CDK13: variants seen among roughly 807,000 people sequenced by gnomAD.
The protein encoded by CDK13 is cyclin-dependent kinase 13.
Under a neutral mutation model 137.6 loss-of-function variants are expected in CDK13, and 40 were observed. The observed-to-expected ratio is 0.29, with a 90% confidence interval of 0.23 to 0.38. The LOEUF is 0.38. CDK13 is among the 10% of genes least tolerant of loss of function. CDK13 has a pLI of 1.00. For missense variants in CDK13, 1,704 were observed against 1,951.8 expected, an observed-to-expected ratio of 0.87 and a Z score of 2.39; for synonymous variants, 869 against 760.1, an observed-to-expected ratio of 1.14 and a Z score of -2.36.
chr7:40,055,285 G>A (rs1279077893), intron 7 of CDK13, among the ~76,000 whole-genome samples: 1 of 150,490 alleles, frequency 6.6e-6, no homozygotes, highest in African/African-American at 2.4e-5. Flanking sequence ...TTTCTTTTTT[G>A]TATGTACACA....
chr7:40,038,873 T>C (rs1785542212), intron 5 of CDK13, among the ~76,000 whole-genome samples: 1 of 152,146 alleles, frequency 6.6e-6, no homozygotes, highest in African/African-American at 2.4e-5. Flanking sequence ...TTTTATATTT[T>C]TAGCAGAAAC....
chr7:40,037,730 T>G lies in CDK13; in HGVS notation c.2354-8106T>G, dbSNP rs936201164. ...CTTTGACCTTATCTTTCTTGTAAAC[T>G]AAAAGCCCTGGTTCCTAAAATATTA... On this transcript the variant is annotated intron_variant, in intron 5 of 13. Coordinates refer to ENST00000181839, the MANE Select transcript of CDK13 (RefSeq NM_003718.5). 9.9e-5 allele frequency among the ~76,000 whole-genome samples: 15 copies of G among 152,224 alleles called. 1 individual carries two copies. Among genetic ancestry groups the G allele is most frequent in the Admixed American group, 7.2e-4 (11 of 15,282 alleles).
At chr7:40,058,533 C>CA (rs1291920085) in intron 7 of CDK13, among the ~76,000 whole-genome samples, 13 of 10,914 alleles carry the variant, frequency 1.2e-3, no homozygotes, top group Admixed American at 6.4e-3. Flanking sequence ...GACTCTGTCT[C>CA]AAAAAAAATA....
At chr7:39,995,182 A>G (rs1236488279) in intron 2 of CDK13, among the ~76,000 whole-genome samples, 1 of 152,166 alleles carries the variant, frequency 6.6e-6, no homozygotes, top group Non-Finnish European at 1.5e-5. Context: ...CAAATATTCA[A>G]TAAAAATGTT....
At chr7:39,957,589 G>A (rs1583904644) in intron 1 of CDK13, among the ~76,000 whole-genome samples, 2 of 152,108 alleles carry the variant, frequency 1.3e-5, no homozygotes, top group South Asian at 2.1e-4. Flanking sequence ...TAATTGTTTC[G>A]ATTTATAAGG....
chr7:39,983,695 A>G (rs934471729), intron 1 of CDK13, among the ~76,000 whole-genome samples: 1 of 152,146 alleles, frequency 6.6e-6, no homozygotes, highest in Non-Finnish European at 1.5e-5. Flanking sequence ...TCTGCTACTC[A>G]TCAGTATCTG....
intron 5 of CDK13, among the ~76,000 whole-genome samples, chr7:40,036,379 C>T (rs974186109): frequency 2.0e-5 from 3 of 152,038 alleles, no homozygotes; most frequent in African/African-American, 7.2e-5. Flanking sequence ...TGAGACCAGC[C>T]TGGCCAACAT....
chr7:39,992,200 G>GTGTGTGTGTGTGTA (rs1355123496), intron 2 of CDK13, among the ~76,000 whole-genome samples: 1 of 138,268 alleles, frequency 7.2e-6, no homozygotes, highest in Non-Finnish European at 1.6e-5. Context: ...GTGTGTGTGT[G>GTGTGTGTGTGTGTA]TATACACTTC....
chr7:40,007,371 A>C (rs1032487922), intron 5 of CDK13, among the ~76,000 whole-genome samples: 2 of 152,210 alleles, frequency 1.3e-5, no homozygotes, highest in Admixed American at 1.3e-4. Flanking sequence ...GTATACTTGA[A>C]TTGCATGTCA....
intron 11 of CDK13, among the ~76,000 whole-genome samples, chr7:40,082,750 C>T (rs1284340463): frequency 2.7e-5 from 4 of 149,092 alleles, no homozygotes; most frequent in African/African-American, 7.4e-5. Flanking sequence ...AAGATCTTGC[C>T]GCTGCACTCC....
intron 9 of CDK13, among the ~76,000 whole-genome samples, chr7:40,063,426 C>G (rs1786200006): frequency 1.3e-5 from 2 of 151,942 alleles, no homozygotes; most frequent in Non-Finnish European, 2.9e-5. Context: ...ATGCTAGATA[C>G]ATATTTTTTA....
chr7:39,960,651 A>C (rs1787589496), intron 1 of CDK13, among the ~76,000 whole-genome samples: 1 of 152,020 alleles, frequency 6.6e-6, no homozygotes, highest in Non-Finnish European at 1.5e-5. Context: ...GGCTCACTGT[A>C]ACAACCTACG....
chr7:39,970,334 G>A (rs1474382571), intron 1 of CDK13, among the ~76,000 whole-genome samples: 2 of 151,940 alleles, frequency 1.3e-5, no homozygotes, highest in East Asian at 3.9e-4. Flanking sequence ...AAAAATTTTT[G>A]CCTAACCCAC....
Position 39,951,310 on chromosome 7 carries a change from C to T in CDK13, c.669C>T (p.Arg223=), listed in dbSNP as rs1228302458. ...HREHRRRDGQ[R]GGSEASKSRS... ...AGCACCGGCGGCGGGATGGGCAGCG[C>T]GGTGGCAGCGAGGCCTCCAAGTCCC... The change falls in exon 1 of 14, where the codon CGC becomes CGT. Residue 223 remains arginine (R), a synonymous_variant. Transcript: ENST00000181839. 2 of 1,397,178 alleles carry T rather than the reference C, an allele frequency of 1.4e-6. No homozygotes were observed. Among genetic ancestry groups the T allele is most frequent in the Non-Finnish European group, 9.2e-7 (1 of 1,086,032 alleles). 86.5% of individuals were successfully genotyped at this position (1,397,178 alleles called of 1,614,324 possible).
At chr7:40,025,719 AT>A (rs1272318540) in intron 5 of CDK13, among the ~76,000 whole-genome samples, 7 of 152,170 alleles carry the variant, frequency 4.6e-5, no homozygotes, top group African/African-American at 1.7e-4. Flanking sequence ...GTGAAATTTT[AT>A]TTTGGAATTA....
At chr7:39,996,218 A>G (rs904708184) in intron 2 of CDK13, among the ~76,000 whole-genome samples, 6 of 152,110 alleles carry the variant, frequency 3.9e-5, no homozygotes, top group Non-Finnish European at 8.8e-5. Flanking sequence ...GGATAATTAC[A>G]ATTACATTAT....
chr7:40,057,925 A>G (rs1786056639), intron 7 of CDK13, among the ~76,000 whole-genome samples: 1 of 152,104 alleles, frequency 6.6e-6, no homozygotes, highest in South Asian at 2.1e-4. Context: ...TTATGTAGTT[A>G]TGTTATATGA....
At chr7:40,088,104 T>A in intron 11 of CDK13, 22 bp from the exon 12 acceptor site, 1 of 1,597,850 alleles carries the variant, frequency 6.3e-7, no homozygotes, top group Non-Finnish European at 8.5e-7. Context: ...CATTTACAAT[T>A]TAATTCCTTT....
At position 39,998,316 on chromosome 7, in the gene CDK13, T is replaced by C. The variant is rs768514253; in HGVS notation, c.2042+652T>C. On this transcript the variant is annotated intron_variant, in intron 3 of 13. Transcript: ENST00000181839. ...CTAGTGTGTGAATTTGAGGTCATTT[T>C]CTAAACTGGCCGGGCACAGTGGCTC... is the stretch of plus-strand genomic sequence containing the variant. 2.0e-5 allele frequency: 3 copies of C among 151,622 alleles called. No homozygotes were observed. In the Admixed American group the frequency reaches 2.0e-4, roughly 10 times the overall value. 9.4% of individuals were successfully genotyped at this position (151,622 alleles called of 1,614,324 possible).
Sources: gnomAD v4.1 joint callset for allele counts (sites outside exome capture counted in the v4.1 genomes callset) on GRCh38, gnomAD v4.1.1 for gene constraint, MANE v1.5 for transcripts, NCBI Gene and HGNC (gene_info 2026-07-23, HGNC 2026-07-21) for gene names.